Variants in ARHGAP10 observed in about 807,000 individuals in gnomAD.
The protein encoded by ARHGAP10 is Rho GTPase activating protein 10, also known as rho GTPase-activating protein 10.
Under a neutral mutation model 108.6 loss-of-function variants are expected in ARHGAP10, and 87 were observed. That is an observed-to-expected ratio of 0.80 (90% CI 0.67 to 0.96). ARHGAP10 has a LOEUF of 0.96. ARHGAP10 is among the 40% of genes least tolerant of loss of function. ARHGAP10 has a pLI of 0.00. For synonymous variants in ARHGAP10, 347 were observed against 341.1 expected, an observed-to-expected ratio of 1.02 and a Z score of -0.19; for missense variants, 939 against 954.5, an observed-to-expected ratio of 0.98 and a Z score of 0.21.
At chr4:147,974,801 G>C (rs915677402) in intron 18 of ARHGAP10, among the ~76,000 whole-genome samples, 8 of 152,056 alleles carry the variant, frequency 5.3e-5, no homozygotes, top group African/African-American at 1.9e-4. Flanking sequence ...CACAGGGCTG[G>C]GGAGGCCTCA....
intron 18 of ARHGAP10, among the ~76,000 whole-genome samples, chr4:148,006,871 C>T (rs1055800791): frequency 6.6e-6 from 1 of 152,196 alleles, no homozygotes; most frequent in Admixed American, 6.5e-5. Flanking sequence ...TTTCCATGCA[C>T]CCTTTCCTTC....
At chr4:147,871,085 G>A (rs1218307661) in intron 7 of ARHGAP10, among the ~76,000 whole-genome samples, 7 of 151,806 alleles carry the variant, frequency 4.6e-5, no homozygotes, top group African/African-American at 7.3e-5. Context: ...TCAGCCTCCC[G>A]AGTAGCTGGG....
chr4:147,809,286 C>G (rs572023355), intron 1 of ARHGAP10: 3 of 152,318 alleles, frequency 2.0e-5, no homozygotes, highest in African/African-American at 7.2e-5. Flanking sequence ...ATTTCTGGCC[C>G]TGACCTCTAT....
At chr4:147,904,555 A>G (rs1455434772) in intron 10 of ARHGAP10, among the ~76,000 whole-genome samples, 1 of 152,184 alleles carries the variant, frequency 6.6e-6, no homozygotes, top group African/African-American at 2.4e-5. Flanking sequence ...CTACAAGGAC[A>G]TGAGCTCATC....
At chr4:148,006,333 A>G (rs1740951029) in intron 18 of ARHGAP10, among the ~76,000 whole-genome samples, 1 of 152,242 alleles carries the variant, frequency 6.6e-6, no homozygotes, top group Non-Finnish European at 1.5e-5. Flanking sequence ...GTTAGCAGAC[A>G]TGACGTGGGG....
At chr4:147,922,561 G>A (rs965690388) in intron 13 of ARHGAP10, among the ~76,000 whole-genome samples, 13 of 149,824 alleles carry the variant, frequency 8.7e-5, no homozygotes, top group South Asian at 2.1e-4. Flanking sequence ...AGTGGCGGGC[G>A]CCTGTAGTCC....
intron 13 of ARHGAP10, among the ~76,000 whole-genome samples, chr4:147,929,485 G>A (rs1217155303): frequency 2.6e-5 from 4 of 152,096 alleles, no homozygotes; most frequent in African/African-American, 9.7e-5. Context: ...TTATTTTTAT[G>A]TAACCCAGTG....
At position 147,765,603 on chromosome 4, in the gene ARHGAP10, A is replaced by C. The variant is rs911320312; in HGVS notation, c.154+33148A>C. Among the ~76,000 whole-genome samples, 3 of 151,966 alleles carry C rather than the reference A, an allele frequency of 2.0e-5. No individual in the cohort carries two copies. In the East Asian group the frequency reaches 5.8e-4, roughly 30 times the overall value. ...TCACTTGAGGTCAGGAGTTCGAGAC[A>C]GGCCTGACCAACATGGTCAAAGCCT... On this transcript the variant is annotated intron_variant, in intron 1 of 22. Coordinates refer to ENST00000336498, the MANE Select transcript of ARHGAP10 (RefSeq NM_024605.4).
intron 1 of ARHGAP10, among the ~76,000 whole-genome samples, chr4:147,794,862 A>G (rs1270804100): frequency 2.6e-5 from 4 of 152,292 alleles, no homozygotes; most frequent in Middle Eastern, 3.4e-3. Context: ...TAAGTATAGG[A>G]CAGTGTAACC....
chr4:147,738,051 T>C lies in ARHGAP10; in HGVS notation c.154+5596T>C, dbSNP rs143690540. The stretch of plus-strand genomic sequence containing the variant: ...TTTTTTTTGAGGGGACTAGGGTACA[T>C]TGTAGACTTTTGGATAAAGAATACA... On this transcript the variant is annotated intron_variant, in intron 1 of 22. Transcript: ENST00000336498. Among the ~76,000 whole-genome samples, 939 of 151,206 alleles carry C rather than the reference T, an allele frequency of 6.2e-3. 9 individuals are homozygous for C. The highest frequency in any genetic ancestry group is 0.022 in the African/African-American group (897 of 41,198).
At chr4:147,916,399 A>G (rs374184768) in intron 13 of ARHGAP10, 1 of 152,218 alleles carries the variant, frequency 6.6e-6, no homozygotes, top group African/African-American at 2.4e-5. Flanking sequence ...TCTATTCAGT[A>G]TGTGTATGAC....
intron 1 of ARHGAP10, among the ~76,000 whole-genome samples, chr4:147,809,669 C>T (rs1579070993): frequency 6.6e-6 from 1 of 152,152 alleles, no homozygotes; most frequent in African/African-American, 2.4e-5. Flanking sequence ...GGTCCCCAAC[C>T]TTTTCGGCAC....
chr4:147,928,735 T>C (rs964985507), intron 13 of ARHGAP10, among the ~76,000 whole-genome samples: 21 of 152,256 alleles, frequency 1.4e-4, no homozygotes, highest in Non-Finnish European at 2.9e-5. Flanking sequence ...CTTTATTTTA[T>C]GAAAATGGGC....
intron 1 of ARHGAP10, among the ~76,000 whole-genome samples, chr4:147,745,829 G>T (rs1290542505): frequency 7.4e-6 from 1 of 134,440 alleles, no homozygotes; most frequent in African/African-American, 2.7e-5. Context: ...CTGTTGTTGC[G>T]TAGGCTGGGT....
chr4:147,919,065 CAT>C (rs1737114485), intron 13 of ARHGAP10, among the ~76,000 whole-genome samples: 1 of 152,204 alleles, frequency 6.6e-6, no homozygotes, highest in South Asian at 2.1e-4. Context: ...TCTTTCTTAA[CAT>C]GTTCTTTTGA....
chr4:147,840,455 A>G (rs181412089), intron 3 of ARHGAP10, among the ~76,000 whole-genome samples: 1 of 152,172 alleles, frequency 6.6e-6, no homozygotes, highest in East Asian at 1.9e-4. Flanking sequence ...TTCTGGTTAC[A>G]TTCCTGCTTT....
At chr4:147,824,473 A>G (rs1732626075) in intron 3 of ARHGAP10, among the ~76,000 whole-genome samples, 1 of 152,232 alleles carries the variant, frequency 6.6e-6, no homozygotes, top group Non-Finnish European at 1.5e-5. Context: ...ACTGTGTGCC[A>G]GTGCATTAGT....
In ARHGAP10 at chr4:148,064,506, T is replaced by C. The variant is rs746645330; in HGVS notation, c.2271T>C (p.Asp757=). The part of the protein sequence containing the change: ...LSFEIGAIFE[D]VQTSREPGWL... ...TTGAAATAGGAGCAATTTTTGAGGATGGTAAGTGTTAGTGGGAGCTTCGTC... is the reference window on the plus strand; with the variant it reads ...TTGAAATAGGAGCAATTTTTGAGGACGGTAAGTGTTAGTGGGAGCTTCGTC... Residue 757 remains aspartate, a splice_region_variant and synonymous_variant, in exon 22 of 23, where the codon GAT becomes GAC. Transcript: ENST00000336498. The C allele has an allele frequency of 6.2e-7, 1 of 1,613,680 alleles. No homozygotes were observed. Among genetic ancestry groups the C allele is most frequent in the African/African-American group, 1.3e-5 (1 of 74,916 alleles).
chr4:147,990,353 A>G (rs1740220131), intron 18 of ARHGAP10, among the ~76,000 whole-genome samples: 1 of 152,226 alleles, frequency 6.6e-6, no homozygotes, highest in African/African-American at 2.4e-5. Context: ...TAGCCAGAAA[A>G]TGGCTAAACT....
Sources: gnomAD v4.1 joint callset for allele counts (sites outside exome capture counted in the v4.1 genomes callset) on GRCh38, gnomAD v4.1.1 for gene constraint, MANE v1.5 for transcripts, NCBI Gene and HGNC (gene_info 2026-07-23, HGNC 2026-07-21) for gene names.